NELL1: variants seen among roughly 807,000 people sequenced by gnomAD.
NELL1 encodes neural EGFL like 1.
Under a neutral mutation model 107.4 loss-of-function variants are expected in NELL1, and 76 were observed. That is an observed-to-expected ratio of 0.71 (90% CI 0.59 to 0.86). The LOEUF is 0.86. Ranked by LOEUF, NELL1 falls within the 40% of genes least tolerant of loss-of-function variation. The pLI, the probability that NELL1 is intolerant of heterozygous loss-of-function variation, is 0.00. For synonymous variants in NELL1, 353 were observed against 341.2 expected (o/e 1.03, Z -0.38); for missense variants, 1,024 against 1,005.5 (o/e 1.02, Z -0.25).
chr11:20,732,832 T>C (rs570047234), intron 2 of NELL1, among the ~76,000 whole-genome samples: 1 of 152,292 alleles, frequency 6.6e-6, no homozygotes, highest in African/African-American at 2.4e-5. Flanking sequence ...GGCTTTTGTA[T>C]CATTTAGACC....
intron 13 of NELL1, among the ~76,000 whole-genome samples, chr11:21,158,177 T>C (rs1454007865): frequency 6.6e-6 from 1 of 152,166 alleles, no homozygotes; most frequent in African/African-American, 2.4e-5. Context: ...ACTCTTGGAC[T>C]TCCACTATTG....
chr11:21,146,192 G>A (rs945653443), intron 13 of NELL1, among the ~76,000 whole-genome samples: 1 of 151,930 alleles, frequency 6.6e-6, no homozygotes, highest in African/African-American at 2.4e-5. Flanking sequence ...ACTAGTATCA[G>A]TGCCATTCTC....
intron 13 of NELL1, among the ~76,000 whole-genome samples, chr11:21,142,321 A>G (rs1343161424): frequency 1.3e-5 from 2 of 152,206 alleles, no homozygotes; most frequent in African/African-American, 2.4e-5. Flanking sequence ...GGTCCATTCA[A>G]TACTGATTCC....
intron 13 of NELL1, among the ~76,000 whole-genome samples, chr11:21,213,134 A>G: frequency 6.6e-6 from 1 of 152,318 alleles, no homozygotes; most frequent in African/African-American, 2.4e-5. Context: ...GAAATGCCTA[A>G]GAAAATGAAA....
At chr11:21,297,817 A>T (rs924477607) in intron 14 of NELL1, among the ~76,000 whole-genome samples, 3 of 151,794 alleles carry the variant, frequency 2.0e-5, no homozygotes, top group African/African-American at 7.3e-5. Context: ...AGAGGCGGGG[A>T]AGGGAAATCA....
At chr11:20,698,494 T>G (rs1248057472) in intron 2 of NELL1, among the ~76,000 whole-genome samples, 1 of 152,218 alleles carries the variant, frequency 6.6e-6, no homozygotes, top group Admixed American at 6.5e-5. Context: ...CAATTTCATC[T>G]GAACAAATTA....
At chr11:20,690,384 TGGGTTTTCTTCTA>T (rs1393080419) in intron 2 of NELL1, among the ~76,000 whole-genome samples, 1 of 152,258 alleles carries the variant, frequency 6.6e-6, no homozygotes, top group Non-Finnish European at 1.5e-5. Context: ...TGGTGATGCC[TGGGTTTTCTTCTA>T]GGGTTTTTAT....
chr11:20,933,986 A>G (rs1850671117), intron 9 of NELL1, among the ~76,000 whole-genome samples: 1 of 152,238 alleles, frequency 6.6e-6, no homozygotes, highest in Non-Finnish European at 1.5e-5. Flanking sequence ...TGTGATATGA[A>G]GAGCTTTAGG....
intron 15 of NELL1, among the ~76,000 whole-genome samples, chr11:21,446,378 C>T (rs1316444854): frequency 6.6e-6 from 1 of 151,580 alleles, no homozygotes; most frequent in Non-Finnish European, 1.5e-5. Flanking sequence ...GTTATGTTTT[C>T]CTGGACCATT....
intron 13 of NELL1, among the ~76,000 whole-genome samples, chr11:21,142,447 A>T (rs1855890016): frequency 6.6e-6 from 1 of 152,226 alleles, no homozygotes; most frequent in South Asian, 2.1e-4. Flanking sequence ...TTCTAAATAG[A>T]TAAATTGTTG....
chr11:21,167,334 G>A (rs1182249639), intron 13 of NELL1, among the ~76,000 whole-genome samples: 1 of 151,650 alleles, frequency 6.6e-6, no homozygotes, highest in Non-Finnish European at 1.5e-5. Context: ...TTGTGTTCTT[G>A]GCCTATATAG....
intron 12 of NELL1, among the ~76,000 whole-genome samples, chr11:21,042,629 A>G (rs542060455): frequency 8.9e-4 from 135 of 152,134 alleles, no homozygotes; most frequent in African/African-American, 3.1e-3. Context: ...ATGGAAACCC[A>G]TTCTGGAGAC....
intron 12 of NELL1, among the ~76,000 whole-genome samples, chr11:21,081,262 C>T (rs1854262212): frequency 6.6e-6 from 1 of 152,168 alleles, no homozygotes; most frequent in Non-Finnish European, 1.5e-5. Flanking sequence ...TGTGGTAACA[C>T]ATTCTATTGT....
rs774341973 is a variant in NELL1, at chr11:21,534,358, T to C, written c.1646-16T>C. On this transcript the variant is annotated splice_polypyrimidine_tract_variant and intron_variant, in intron 15 of 19. Transcript: ENST00000357134. Reference sequence around the variant, plus strand: ...AAATTAATATCCTGGTGGGCTTGTGTTTTTCTCTGAGGCAGATATTGATGA... The same window carrying C: ...AAATTAATATCCTGGTGGGCTTGTGCTTTTCTCTGAGGCAGATATTGATGA... 6.2e-7 allele frequency: 1 copy of C among 1,613,582 alleles called. No individual in the cohort carries two copies. The highest frequency in any genetic ancestry group is 2.2e-5 in the East Asian group (1 of 44,834).
intron 14 of NELL1, among the ~76,000 whole-genome samples, chr11:21,335,487 T>A (rs1409949131): frequency 1.3e-5 from 2 of 152,070 alleles, no homozygotes; most frequent in Admixed American, 6.6e-5. Context: ...GCTCAAGCCA[T>A]AAATCACTTT....
intron 12 of NELL1, among the ~76,000 whole-genome samples, chr11:21,007,724 C>T (rs1253244209): frequency 6.6e-6 from 1 of 152,030 alleles, no homozygotes; most frequent in East Asian, 1.9e-4. Flanking sequence ...TATGACTTAA[C>T]AGTGAGTAAT....
intron 14 of NELL1, among the ~76,000 whole-genome samples, chr11:21,358,129 G>T (rs577396630): frequency 1.3e-5 from 2 of 152,184 alleles, no homozygotes; most frequent in South Asian, 4.2e-4. Context: ...ACTATGTGGG[G>T]TCTTTTTCGG....
chr11:20,707,816 C>T (rs1202682285), intron 2 of NELL1, among the ~76,000 whole-genome samples: 1 of 152,240 alleles, frequency 6.6e-6, no homozygotes, highest in Non-Finnish European at 1.5e-5. Context: ...AGGAGGCAGT[C>T]TGTCCATTCT....
At chr11:20,681,641 C>A (rs936794144) in intron 2 of NELL1, among the ~76,000 whole-genome samples, 2 of 152,052 alleles carry the variant, frequency 1.3e-5, no homozygotes, top group Admixed American at 1.3e-4. Flanking sequence ...TGGTTTCTTA[C>A]TGGTGCTATA....
Sources: allele counts gnomAD v4.1 joint callset (sites outside exome capture counted in the v4.1 genomes callset), GRCh38; gene constraint gnomAD v4.1.1; transcripts MANE v1.5; gene names NCBI Gene and HGNC (gene_info 2026-07-23, HGNC 2026-07-21).